ROCK2: variants seen among roughly 807,000 people sequenced by gnomAD.
ROCK2 encodes the protein Rho associated coiled-coil containing protein kinase 2, also known as rho-associated protein kinase 2.
In ROCK2, 61 loss-of-function variants were observed where a neutral mutation model predicts 195.1. The observed-to-expected ratio is 0.31, with a 90% CI of 0.25 to 0.39. The LOEUF is 0.39. Ranked by LOEUF, ROCK2 falls within the 10% of genes least tolerant of loss-of-function variation. The pLI is 1.00. For missense variants in ROCK2, 1,109 were observed against 1,637.4 expected (o/e 0.68, Z 5.57); for synonymous variants, 504 against 545.5 (o/e 0.92, Z 1.06).
Position 11,240,842 on chromosome 2 carries a change from T to C in ROCK2, c.463-4880A>G, listed in dbSNP as rs1474824192. Among the ~76,000 whole-genome samples the C allele has an allele frequency of 2.6e-5, 4 of 152,262 alleles. No homozygotes were observed. The East Asian group carries it at 5.8e-4, about 22-fold the overall frequency. On this transcript the variant is annotated intron_variant, in intron 4 of 32. Coordinates refer to ENST00000315872, the MANE Select transcript of ROCK2 (RefSeq NM_004850.5). The stretch of plus-strand genomic sequence containing the variant: ...AGTTGCATACCTCAATAAAGTTGTA[T>C]AGTTATTATACCTCAATAAAATTAA...
chr2:11,257,744 G>A (rs1666086639), intron 3 of ROCK2, among the ~76,000 whole-genome samples: 1 of 151,302 alleles, frequency 6.6e-6, no homozygotes, highest in African/African-American at 2.5e-5. Flanking sequence ...AGCATCTCAG[G>A]AGATAGGTAC....
At chr2:11,315,152 C>T (rs6432186) in intron 1 of ROCK2, among the ~76,000 whole-genome samples, 122,870 of 151,920 alleles carry the variant, frequency 0.81, 51,268 homozygotes, top group East Asian at 0.99. Flanking sequence ...GTATAAGACA[C>T]AAACTTAACA....
intron 1 of ROCK2, among the ~76,000 whole-genome samples, chr2:11,290,978 A>C (rs1456507183): frequency 6.6e-6 from 1 of 152,192 alleles, no homozygotes; most frequent in African/African-American, 2.4e-5. Context: ...AACGTGAATT[A>C]GCTCCAATGC....
chr2:11,296,004 A>AGGGGG (rs368823537), intron 1 of ROCK2, among the ~76,000 whole-genome samples: 4 of 32,814 alleles, frequency 1.2e-4, no homozygotes, highest in African/African-American at 4.1e-4. Flanking sequence ...AGAGAGAGAG[A>AGGGGG]GGAGAGAGAG....
chr2:11,323,299 C>T (rs1337546540), intron 1 of ROCK2, among the ~76,000 whole-genome samples: 2 of 152,328 alleles, frequency 1.3e-5, no homozygotes, highest in South Asian at 4.1e-4. Flanking sequence ...TGACTTTGGA[C>T]AAACCTCCAA....
chr2:11,320,189 A>G (rs1490557948), intron 1 of ROCK2, among the ~76,000 whole-genome samples: 1 of 152,180 alleles, frequency 6.6e-6, no homozygotes, highest in Non-Finnish European at 1.5e-5. Flanking sequence ...CATGTGGCTA[A>G]TCACACACAA....
rs1348532929 is a variant in ROCK2 at position 11,202,117 on chromosome 2, G to A, written c.2554C>T (p.Arg852Cys). The change falls in exon 21 of 33, where the codon CGT becomes TGT. Residue 852 changes from arginine to cysteine, a missense_variant. By Grantham distance (180) the Arg-to-Cys change is radical. Coordinates refer to ENST00000315872, the MANE Select transcript of ROCK2 (RefSeq NM_004850.5). Reference protein sequence around the residue: ...EKQNAELRKERQDADGQMKEL... With the variant: ...EKQNAELRKECQDADGQMKEL... ...TTCATTTGCCCATCTGCATCCTGAC[G>A]TTCTCTGTGAGGACAATGAATCAAA... is the stretch of plus-strand genomic sequence containing the variant. 2 of 1,610,978 alleles carry A rather than the reference G, an allele frequency of 1.2e-6. No individual in the cohort carries two copies. The highest frequency in any genetic ancestry group is 1.1e-5 in the South Asian group (1 of 91,016).
At position 11,286,562 on chromosome 2, in the gene ROCK2, C is replaced by A; in HGVS notation, c.301G>T (p.Gly101Cys). The A allele has an allele frequency of 6.2e-7, 1 of 1,610,454 alleles. No homozygotes were observed. Among genetic ancestry groups the A allele is most frequent in the South Asian group, 1.1e-5 (1 of 90,892 alleles). ...DYDVVKVIGRGAFGEVQLVRH... is the reference protein window; with the variant it reads ...DYDVVKVIGRCAFGEVQLVRH... ...ACCAACTGCACTTCACCAAAAGCACCTCTTCCAATAACTTTTACAACATCA... is the reference window on the plus strand; with the variant it reads ...ACCAACTGCACTTCACCAAAAGCACATCTTCCAATAACTTTTACAACATCA... The change falls in exon 3 of 33, where the codon GGT becomes TGT. Residue 101 changes from glycine (G) to cysteine (C), a missense_variant. By Grantham distance (159) the Gly-to-Cys change is radical. Transcript: ENST00000315872.
At chr2:11,261,801 G>A (rs1035993170) in intron 3 of ROCK2, among the ~76,000 whole-genome samples, 32 of 152,136 alleles carry the variant, frequency 2.1e-4, no homozygotes, top group African/African-American at 7.2e-4. Context: ...CTCCAGCCTG[G>A]GTCACAGAGC....
chr2:11,221,493 C>G, intron 8 of ROCK2, 136 bp from the exon 9 acceptor site: 2 of 556,866 alleles, frequency 3.6e-6, no homozygotes, highest in South Asian at 4.7e-5. Flanking sequence ...TTTATCGATT[C>G]ACAGAATTAA....
chr2:11,295,989 A>AGAGAGAGAGGGGAGAGGG (rs1329784247), intron 1 of ROCK2, among the ~76,000 whole-genome samples: 2 of 23,454 alleles, frequency 8.5e-5, no homozygotes, highest in South Asian at 4.3e-3. Context: ...AGAGAGAGAG[A>AGAGAGAGAGGGGAGAGGG]GGAGAGAGAG....
At chr2:11,238,815 C>A (rs1665320094) in intron 4 of ROCK2, among the ~76,000 whole-genome samples, 1 of 152,074 alleles carries the variant, frequency 6.6e-6, no homozygotes, top group African/African-American at 2.4e-5. Flanking sequence ...CCACTGTACT[C>A]CAGTCTGCGC....
rs1445069525 is a variant in ROCK2 at position 11,344,277 on chromosome 2, C to A, written c.-141G>T. 5 of 1,264,308 alleles carry A rather than the reference C, an allele frequency of 4.0e-6. No homozygotes were observed. The highest frequency in any genetic ancestry group is 5.0e-6 in the Non-Finnish European group (5 of 1,007,500). The allele number at this position is 1,264,308 out of a possible 1,614,324, so 78.3% of individuals were successfully genotyped here. ...TGCCTCTAGCTCCGGCTTCGGGTCT[C>A]CAAGGCGGTCCCCCGCCTGGGGGCT... is the stretch of plus-strand genomic sequence containing the variant. On this transcript the variant is annotated 5_prime_UTR_variant, in exon 1 of 33. Transcript: ENST00000315872. This position sits in a 1 kb window ranked among gnomAD's most constrained non-coding sequence, Gnocchi z 5.4.
chr2:11,228,903 A>G (rs1219280657), intron 5 of ROCK2, among the ~76,000 whole-genome samples: 3 of 152,230 alleles, frequency 2.0e-5, no homozygotes, highest in African/African-American at 7.2e-5. Flanking sequence ...CGGATAAGCT[A>G]GGGTTTAAAG....
At chr2:11,254,381 G>GGCTGAGGTGAGCAGATCAC (rs1558330736) in intron 3 of ROCK2, among the ~76,000 whole-genome samples, 1 of 152,150 alleles carries the variant, frequency 6.6e-6, no homozygotes, top group Non-Finnish European at 1.5e-5. Flanking sequence ...AGAGATCAGA[G>GGCTGAGGTGAGCAGATCAC]TTTAAGACAA....
At chr2:11,344,888 G>A (rs1177195947), upstream of ROCK2, among the ~76,000 whole-genome samples, 2 of 150,628 alleles carry the variant, frequency 1.3e-5, no homozygotes, top group East Asian at 1.9e-4. This position sits in a 1 kb window ranked among gnomAD's most constrained non-coding sequence, Gnocchi z 5.4. Context: ...CTCCTGCTGG[G>A]GGAGGGGAGA....
chr2:11,190,385 A>C (rs1323783310), intron 32 of ROCK2, among the ~76,000 whole-genome samples: 3 of 151,810 alleles, frequency 2.0e-5, no homozygotes, highest in Non-Finnish European at 4.4e-5. Flanking sequence ...AAAAAAAAGT[A>C]ACAAAAATCA....
rs377589916 is a variant in ROCK2 at position 11,280,631 on chromosome 2, GTGAA to G, written c.324+5904_324+5907del. The stretch of plus-strand genomic sequence containing the variant: ...GGCAATAGAGCAAGAACTTGTCTCA[GTGAA>G]TGAATGAATGATAACTCTATGCCCA... On this transcript the variant is annotated intron_variant, in intron 3 of 32. Transcript: ENST00000315872. 1.7e-3 allele frequency among the ~76,000 whole-genome samples: 254 copies of G among 152,164 alleles called. 1 individual carries two copies. Among genetic ancestry groups the G allele is most frequent in the African/African-American group, 5.8e-3 (242 of 41,512 alleles).
At position 11,286,472 on chromosome 2, in the gene ROCK2, T is replaced by C. The variant is rs1434457348; in HGVS notation, c.324+67A>G. 8 of 995,192 alleles carry C rather than the reference T, an allele frequency of 8.0e-6. 1 individual carries two copies. The South Asian group carries it at 9.6e-5, about 12-fold the overall frequency. The allele number at this position is 995,192 out of a possible 1,614,324, so 61.6% of individuals were successfully genotyped here. A position where few individuals can be genotyped will look rare whatever the true frequency, so the allele number is the denominator to read the frequency against. ...GGCATAGAAATTAGATCTACTCAGC[T>C]GCTATTGATAATGCTTCACAAAACC... On this transcript the variant is annotated intron_variant, in intron 3 of 32. Transcript: ENST00000315872.
Sources: allele counts gnomAD v4.1 joint callset (sites outside exome capture counted in the v4.1 genomes callset), GRCh38; gene constraint gnomAD v4.1.1; non-coding constraint Gnocchi (gnomAD v3.1); transcripts MANE v1.5; gene names NCBI Gene and HGNC (gene_info 2026-07-23, HGNC 2026-07-21).